The following TMEM222 variants were observed in gnomAD, a reference collection of about 807,000 sequenced individuals.
TMEM222 encodes the protein transmembrane protein 222, also known as chromosome 1 open reading frame 160.
TMEM222 carries 18 observed loss-of-function variants against 25.1 expected under a neutral mutation model. The observed-to-expected ratio is 0.72, with a 90% confidence interval of 0.50 to 1.06. The LOEUF (loss-of-function observed/expected upper bound fraction) is 1.06, where lower values mean the gene tolerates loss of function less well. Among genes scored for constraint, TMEM222 ranks in the 50% least tolerant of loss-of-function variants. TMEM222 has a pLI of 0.00. For missense variants in TMEM222, 296 were observed against 293.7 expected (o/e 1.01, Z -0.06); for synonymous variants, 131 against 117.9 (o/e 1.11, Z -0.72).
intron 1 of TMEM222, chr1:27,325,734 T>G (rs560772508): frequency 4.0e-4 from 354 of 890,550 alleles, no homozygotes; most frequent in Non-Finnish European, 6.5e-4. Flanking sequence ...CCAGCAGATG[T>G]GGATTAGCAA....
At position 27,322,178 on chromosome 1, in the gene TMEM222, C is replaced by G. The variant is rs764154461; in HGVS notation, c.-20C>G. Reference sequence around the variant, plus strand: ...GAGCGGCACCAGAGCCGGGGCCAGTCGGAGCGGGGCGCGCGCCGCATGGCG... The same window carrying G: ...GAGCGGCACCAGAGCCGGGGCCAGTGGGAGCGGGGCGCGCGCCGCATGGCG... On this transcript the variant is annotated 5_prime_UTR_variant, in exon 1 of 6. Coordinates refer to ENST00000374076, the MANE Select transcript of TMEM222 (RefSeq NM_032125.3). 1 of 1,374,058 alleles carries G rather than the reference C, an allele frequency of 7.3e-7. No homozygotes were observed. The highest frequency in any genetic ancestry group is 3.4e-5 in the Admixed American group (1 of 29,258). The allele number at this position is 1,374,058 out of a possible 1,614,324, so 85.1% of individuals were successfully genotyped here.
chr1:27,332,498 G>A lies in TMEM222; in HGVS notation c.311+397G>A, dbSNP rs1261965945. ...AATGAGGCATGGAAGGTAGAAGAGAGGCATTGTTTGGAGCTCTGCTGGAAA... is the reference window on the plus strand; with the variant it reads ...AATGAGGCATGGAAGGTAGAAGAGAAGCATTGTTTGGAGCTCTGCTGGAAA... On this transcript the variant is annotated intron_variant, in intron 3 of 5. Coordinates refer to ENST00000374076, the MANE Select transcript of TMEM222 (RefSeq NM_032125.3). 1.1e-5 allele frequency: 8 copies of A among 718,090 alleles called. No homozygotes were observed. The Admixed American group carries it at 1.6e-4, about 14-fold the overall frequency. 44.5% of individuals were successfully genotyped at this position (718,090 alleles called of 1,614,324 possible).
Position 27,335,569 on chromosome 1 carries a change from C to A in TMEM222, c.*103C>A. 1.7e-6 allele frequency: 2 copies of A among 1,201,184 alleles called. No homozygotes were observed. The highest frequency in any genetic ancestry group is 1.3e-5 in the South Asian group (1 of 77,550). The allele number at this position is 1,201,184 out of a possible 1,614,324, so 74.4% of individuals were successfully genotyped here. On this transcript the variant is annotated 3_prime_UTR_variant, in exon 6 of 6. Transcript: ENST00000374076. ...CCTCACCCCAAAAGGCAGGGTTGGG[C>A]CTGCTGTTGTGGACCGGGGGTCGGG...
In TMEM222 at chr1:27,325,816, G is replaced by A. The variant is rs548307699; in HGVS notation, c.194+3425G>A. ...TTCTAAATGGACTGCGAGCCGATGC[G>A]TAGCATTTGCTGCATGGGTTAATTC... On this transcript the variant is annotated intron_variant, in intron 1 of 5. Coordinates refer to ENST00000374076, the MANE Select transcript of TMEM222 (RefSeq NM_032125.3). 130 of 800,520 alleles carry A rather than the reference G, an allele frequency of 1.6e-4. 4 individuals are homozygous for A. The highest frequency in any genetic ancestry group is 1.3e-3 in the South Asian group (101 of 74,926). The allele number at this position is 800,520 out of a possible 1,614,324, so 49.6% of individuals were successfully genotyped here.
chr1:27,322,183 C>T lies in TMEM222; in HGVS notation c.-15C>T. ...GCACCAGAGCCGGGGCCAGTCGGAG[C>T]GGGGCGCGCGCCGCATGGCGGAAGC... is the stretch of plus-strand genomic sequence containing the variant. On this transcript the variant is annotated 5_prime_UTR_variant, in exon 1 of 6. Coordinates refer to ENST00000374076, the MANE Select transcript of TMEM222 (RefSeq NM_032125.3). 1 of 1,377,690 alleles carries T rather than the reference C, an allele frequency of 7.3e-7. No individual in the cohort carries two copies. The highest frequency in any genetic ancestry group is 9.5e-7 in the Non-Finnish European group (1 of 1,054,502). 85.3% of individuals were successfully genotyped at this position (1,377,690 alleles called of 1,614,324 possible).
At chr1:27,324,623 C>T (rs1349762846) in intron 1 of TMEM222, among the ~76,000 whole-genome samples, 1 of 152,160 alleles carries the variant, frequency 6.6e-6, no homozygotes, top group Non-Finnish European at 1.5e-5. Flanking sequence ...TGTGTTAGTC[C>T]ATTCTTGCAC....
At chr1:27,327,069 A>C (rs1207346390) in intron 1 of TMEM222, among the ~76,000 whole-genome samples, 1 of 152,050 alleles carries the variant, frequency 6.6e-6, no homozygotes, top group Non-Finnish European at 1.5e-5. Flanking sequence ...ACTTTCCCAT[A>C]ATCCTGAATG....
chr1:27,325,943 T>TTA (rs2014337341), intron 1 of TMEM222: 7 of 650,626 alleles, frequency 1.1e-5, no homozygotes, highest in South Asian at 9.6e-5. Context: ...TTGTATCTAA[T>TTA]ATCAGCACTG....
rs147338492 is a variant in TMEM222 at position 27,336,042 on chromosome 1, C to T, written c.*576C>T. The T allele has an allele frequency of 7.6e-5, 12 of 158,050 alleles. No homozygotes were observed. Among genetic ancestry groups the T allele is most frequent in the East Asian group, 1.8e-4 (1 of 5,424 alleles). The allele number at this position is 158,050 out of a possible 1,614,324, so 9.8% of individuals were successfully genotyped here. ...CTGGCATCCTCCAGCCCGTGCAGTC[C>T]GCTCTTCACTGTTCCACGGCCTCCC... On this transcript the variant is annotated 3_prime_UTR_variant, in exon 6 of 6. Transcript: ENST00000374076.
intron 2 of TMEM222, chr1:27,331,216 T>C: frequency 2.9e-6 from 3 of 1,034,004 alleles, no homozygotes; most frequent in Non-Finnish European, 3.6e-6. Flanking sequence ...GGTGGGGCTT[T>C]AGAATGAAGC....
chr1:27,332,239 C>CTGGTGGACCCTGG, intron 3 of TMEM222, 138 bp downstream of exon 3: 1 of 1,014,984 alleles, frequency 9.9e-7, no homozygotes, highest in Non-Finnish European at 1.5e-6. Context: ...CAGCCAGGGT[C>CTGGTGGACCCTGG]CACCAGAGCA....
intron 3 of TMEM222, chr1:27,332,691 G>C: frequency 1.6e-6 from 1 of 609,592 alleles, no homozygotes; most frequent in East Asian, 2.8e-5. Context: ...GCCCAAGGCT[G>C]CACTGGGAGG....
At chr1:27,328,830 G>A (rs1347588025) in intron 1 of TMEM222, among the ~76,000 whole-genome samples, 7 of 152,272 alleles carry the variant, frequency 4.6e-5, no homozygotes, top group East Asian at 1.9e-4. Context: ...TTTAAACTGC[G>A]TCTCTGGAGG....
At chr1:27,330,871 GCA>G in intron 2 of TMEM222, 67 bp downstream of exon 2, 2 of 1,600,412 alleles carry the variant, frequency 1.2e-6, no homozygotes, top group Non-Finnish European at 1.7e-6. Context: ...TGTCTTGCCT[GCA>G]GGCAGGCTTC....
In TMEM222 at chr1:27,325,470, G is replaced by A; in HGVS notation, c.194+3079G>A. The A allele has an allele frequency of 2.1e-6, 3 of 1,405,732 alleles. No homozygotes were observed. In the South Asian group the frequency reaches 3.5e-5, roughly 16 times the overall value. 87.1% of individuals were successfully genotyped at this position (1,405,732 alleles called of 1,614,324 possible). A position where few individuals can be genotyped will look rare whatever the true frequency, so the allele number is the denominator to read the frequency against. ...GGCGCTGTTCCAGCCTTCCTTCCTGGGTATGGAATCTTGCGGCATCCACGA... is the reference window on the plus strand; with the variant it reads ...GGCGCTGTTCCAGCCTTCCTTCCTGAGTATGGAATCTTGCGGCATCCACGA... On this transcript the variant is annotated intron_variant, in intron 1 of 5. Transcript: ENST00000374076.
chr1:27,333,993 G>A lies in TMEM222; in HGVS notation c.347G>A (p.Ser116Asn). The change falls in exon 4 of 6, where the codon AGC (serine) becomes AAC (asparagine). Residue 116 changes from serine (S) to asparagine (N), a missense_variant. Physicochemically the swap from Ser to Asn is conservative, Grantham distance 46. Coordinates refer to ENST00000374076, the MANE Select transcript of TMEM222 (RefSeq NM_032125.3). ...TTGGACCCTGCTCAGGTCTATGCTA[G>A]CGGGCCCAACGCATGGGACACGGCT... ...WKLDPAQVYA[S>N]GPNAWDTAVH... is the part of the protein sequence containing the mutation. 1 of 1,614,150 alleles carries A rather than the reference G, an allele frequency of 6.2e-7. No homozygotes were observed. The highest frequency in any genetic ancestry group is 1.6e-4 in the Middle Eastern group (1 of 6,062).
intron 1 of TMEM222, among the ~76,000 whole-genome samples, chr1:27,330,251 C>G (rs1337494785): frequency 1.4e-4 from 20 of 140,366 alleles, no homozygotes; most frequent in Admixed American, 2.8e-4. Context: ...ACAAAAATTA[C>G]CCAGGCGTGG....
chr1:27,322,195 C>T lies in TMEM222; in HGVS notation c.-3C>T, dbSNP rs374026903. ...GGGCCAGTCGGAGCGGGGCGCGCGCCGCATGGCGGAAGCGGAAGGGAGTTC... is the reference window on the plus strand; with the variant it reads ...GGGCCAGTCGGAGCGGGGCGCGCGCTGCATGGCGGAAGCGGAAGGGAGTTC... On this transcript the variant is annotated 5_prime_UTR_variant, in exon 1 of 6. Transcript: ENST00000374076. The T allele has an allele frequency of 7.2e-7, 1 of 1,390,440 alleles. No homozygotes were observed. 86.1% of individuals were successfully genotyped at this position (1,390,440 alleles called of 1,614,324 possible). A position where few individuals can be genotyped will look rare whatever the true frequency, so the allele number is the denominator to read the frequency against.
At chr1:27,333,392 A>G (rs771248419) in intron 3 of TMEM222, 9 of 470,882 alleles carry the variant, frequency 1.9e-5, no homozygotes, top group Middle Eastern at 3.2e-4. Flanking sequence ...CTCACACCCC[A>G]TCTTAGTCCG....
Sources: allele counts gnomAD v4.1 joint callset (sites outside exome capture counted in the v4.1 genomes callset), GRCh38; gene constraint gnomAD v4.1.1; transcripts MANE v1.5; gene names NCBI Gene and HGNC (gene_info 2026-07-23, HGNC 2026-07-21).